Variants in ABRACL observed in about 807,000 individuals in gnomAD.
ABRACL encodes costars family protein ABRACL.
ABRACL carries 4 observed loss-of-function variants against 7.0 expected under a neutral mutation model. The observed-to-expected ratio is 0.57, with a 90% confidence interval of 0.28 to 1.30. The LOEUF is 1.30. Ranked by LOEUF, ABRACL falls within the 50% of genes most tolerant of loss-of-function variation. The pLI, the probability that ABRACL is intolerant of heterozygous loss-of-function variation, is 0.10. For synonymous variants in ABRACL, 30 were observed against 36.0 expected (o/e 0.83, Z 0.60); for missense variants, 104 against 97.3 (o/e 1.07, Z -0.29).
chr6:139,032,053 C>T (rs987252507), intron 1 of ABRACL, among the ~76,000 whole-genome samples: 34 of 151,940 alleles, frequency 2.2e-4, no homozygotes, highest in Admixed American at 4.6e-4. Context: ...CTCCGCCTCC[C>T]GGGTTCACGC....
rs1562221582 is a variant in ABRACL at position 139,042,872 on chromosome 6, A to G, written c.215A>G (p.Asp72Gly). 1 of 1,613,066 alleles carries G rather than the reference A, an allele frequency of 6.2e-7. No individual in the cohort carries two copies. The change falls in exon 3 of 3, where the codon GAT (aspartate) becomes GGT (glycine). Residue 72 changes from aspartate (D) to glycine (G), a missense_variant. Physicochemically the swap from Asp to Gly is moderately conservative, Grantham distance 94. Coordinates refer to ENST00000367660, the MANE Select transcript of ABRACL (RefSeq NM_021243.3). ...GAGCTGCTTCTGCAAGGTGTTCATGATGATGTTGACATTATATTACTGCAA... is the reference window on the plus strand; with the variant it reads ...GAGCTGCTTCTGCAAGGTGTTCATGGTGATGTTGACATTATATTACTGCAA... ...PGELLLQGVH[D>G]DVDIILLQD
chr6:139,040,874 T>G (rs1258098924), intron 2 of ABRACL, among the ~76,000 whole-genome samples: 1 of 152,194 alleles, frequency 6.6e-6, no homozygotes, highest in Non-Finnish European at 1.5e-5. Context: ...TCCCCATTTG[T>G]CTCAGTCACA....
At chr6:139,041,956 G>A (rs1184615021) in intron 2 of ABRACL, among the ~76,000 whole-genome samples, 1 of 152,098 alleles carries the variant, frequency 6.6e-6, no homozygotes, top group African/African-American at 2.4e-5. Context: ...CCCTCACTGT[G>A]ATGGCCATCG....
Position 139,042,865 on chromosome 6 carries a change from G to T in ABRACL, c.208G>T (p.Val70Phe). The T allele has an allele frequency of 6.2e-7, 1 of 1,613,218 alleles. No individual in the cohort carries two copies. Among genetic ancestry groups the T allele is most frequent in the Non-Finnish European group, 8.5e-7 (1 of 1,179,728 alleles). The part of the protein sequence containing the change: ...TYPGELLLQG[V>F]HDDVDIILLQ... ...TCCAGGAGAGCTGCTTCTGCAAGGT[G>T]TTCATGATGATGTTGACATTATATT... The change falls in exon 3 of 3, where the codon GTT becomes TTT. Residue 70 changes from valine (V) to phenylalanine (F), a missense_variant. Val to Phe is a conservative substitution (Grantham distance 50). Transcript: ENST00000367660.
At chr6:139,035,586 G>A (rs1044969215) in intron 2 of ABRACL, among the ~76,000 whole-genome samples, 4 of 151,774 alleles carry the variant, frequency 2.6e-5, no homozygotes, top group Admixed American at 2.0e-4. Flanking sequence ...GGGTTCAAGC[G>A]ATTCTCCTGC....
At position 139,034,240 on chromosome 6, in the gene ABRACL, T is replaced by C. The variant is rs538288655; in HGVS notation, c.61+19T>C. On this transcript the variant is annotated intron_variant, in intron 2 of 2. Coordinates refer to ENST00000367660, the MANE Select transcript of ABRACL (RefSeq NM_021243.3). ...TCAAAAAGTAAGTATCTGACAGAGA[T>C]AGAGTATTTCTCCTGGCTTTACCTT... 5.0e-6 allele frequency: 8 copies of C among 1,614,088 alleles called. No individual in the cohort carries two copies. Among genetic ancestry groups the C allele is most frequent in the Non-Finnish European group, 1.7e-6 (2 of 1,180,058 alleles).
At chr6:139,036,882 G>T (rs796749255) in intron 2 of ABRACL, among the ~76,000 whole-genome samples, 1 of 152,146 alleles carries the variant, frequency 6.6e-6, no homozygotes, top group South Asian at 2.1e-4. Flanking sequence ...TATACTGGAG[G>T]CTGAGGCAGG....
At chr6:139,034,661 A>G (rs1409323574) in intron 2 of ABRACL, 1 of 325,332 alleles carries the variant, frequency 3.1e-6, no homozygotes, top group Non-Finnish European at 5.6e-6. Flanking sequence ...CTAGGGATTT[A>G]CATTGAAATT....
At chr6:139,033,555 C>T (rs6570302) in intron 1 of ABRACL, among the ~76,000 whole-genome samples, 145,256 of 152,312 alleles carry the variant, frequency 0.95, 69,333 homozygotes, top group East Asian at 1. Flanking sequence ...TCAAGTGTGC[C>T]GTGTGTTTTC....
chr6:139,036,678 G>A (rs1334526866), intron 2 of ABRACL, among the ~76,000 whole-genome samples: 1 of 152,068 alleles, frequency 6.6e-6, no homozygotes, highest in Non-Finnish European at 1.5e-5. Flanking sequence ...CTACTTAGTT[G>A]ATGAAAACAG....
chr6:139,040,488 TA>T, intron 2 of ABRACL, among the ~76,000 whole-genome samples: 1 of 152,342 alleles, frequency 6.6e-6, no homozygotes, highest in East Asian at 1.9e-4. Context: ...GGGGACTCTA[TA>T]AGAGGCTTTA....
intron 2 of ABRACL, among the ~76,000 whole-genome samples, chr6:139,041,457 A>C (rs796764332): frequency 0.065 from 8,197 of 125,426 alleles, 336 homozygotes; most frequent in East Asian, 0.2. Flanking sequence ...CTCTCTATAT[A>C]TATATATATA....
chr6:139,037,401 C>G lies in ABRACL; in HGVS notation c.61+3180C>G, dbSNP rs574819946. ...TCAGCCTCCCTGGTAGCTGGTATTA[C>G]AGGTGTCCACGACCACGCCTGGTTA... On this transcript the variant is annotated intron_variant, in intron 2 of 2. Coordinates refer to ENST00000367660, the MANE Select transcript of ABRACL (RefSeq NM_021243.3). Among the ~76,000 whole-genome samples the G allele has an allele frequency of 2.6e-5, 4 of 152,216 alleles. No homozygotes were observed. The East Asian group carries it at 7.7e-4, about 29-fold the overall frequency.
rs1554211161 is a variant in ABRACL, at chr6:139,041,531, A to ATTTTTTTTTT, written c.62-1179_62-1178insTTTTTTTTTT. On this transcript the variant is annotated intron_variant, in intron 2 of 2. Transcript: ENST00000367660. Reference sequence around the variant, plus strand: ...TGTGTGTGTATATATATATATATATATTTTTTTTTAGGAGAGACATGGTCT... The same window carrying ATTTTTTTTTT: ...TGTGTGTGTATATATATATATATATATTTTTTTTTTTTTTTTTTTAGGAGAGACATGGTCT... Among the ~76,000 whole-genome samples the ATTTTTTTTTT allele has an allele frequency of 1.3e-3, 159 of 126,032 alleles. 3 individuals are homozygous for ATTTTTTTTTT. Among genetic ancestry groups the ATTTTTTTTTT allele is most frequent in the African/African-American group, 3.2e-3 (105 of 32,344 alleles). 82.7% of individuals were successfully genotyped at this position (126,032 alleles called of 152,430 possible).
chr6:139,038,402 A>C (rs535402173), intron 2 of ABRACL, among the ~76,000 whole-genome samples: 2 of 152,366 alleles, frequency 1.3e-5, no homozygotes, highest in East Asian at 3.9e-4. Context: ...ATTGAGTTTG[A>C]AAGCATATAT....
At position 139,042,942 on chromosome 6, in the gene ABRACL, T is replaced by G. The variant is rs1395477321; in HGVS notation, c.*39T>G. The G allele has an allele frequency of 6.7e-7, 1 of 1,500,116 alleles. No individual in the cohort carries two copies. Among genetic ancestry groups the G allele is most frequent in the South Asian group, 1.3e-5 (1 of 76,890 alleles). 92.9% of individuals were successfully genotyped at this position (1,500,116 alleles called of 1,614,324 possible). A position where few individuals can be genotyped will look rare whatever the true frequency, so the allele number is the denominator to read the frequency against. On this transcript the variant is annotated 3_prime_UTR_variant, in exon 3 of 3. Transcript: ENST00000367660. The stretch of plus-strand genomic sequence containing the variant: ...TCTTTATGTACTGCCATTTTTTGTT[T>G]CTGGTAAACTGGAATATAAAGTGAA...
chr6:139,041,451 C>CTCTCTCTCTCTCTA lies in ABRACL; in HGVS notation c.62-1267_62-1266insCTCTCTCTCTCTAT, dbSNP rs140091253. 5.5e-5 allele frequency among the ~76,000 whole-genome samples: 6 copies of CTCTCTCTCTCTCTA among 110,038 alleles called. 1 individual carries two copies. The highest frequency in any genetic ancestry group is 8.9e-5 in the Non-Finnish European group (5 of 56,188). 72.2% of individuals were successfully genotyped at this position (110,038 alleles called of 152,430 possible). ...TCTCTCTCTCTCTCTCTCTCTCTCT[C>CTCTCTCTCTCTCTA]TATATATATATATATATATTTCTAT... is the stretch of plus-strand genomic sequence containing the variant. On this transcript the variant is annotated intron_variant, in intron 2 of 2. Transcript: ENST00000367660.
intron 1 of ABRACL, among the ~76,000 whole-genome samples, chr6:139,032,235 A>T (rs1219723986): frequency 6.6e-6 from 1 of 152,112 alleles, no homozygotes; most frequent in East Asian, 1.9e-4. Flanking sequence ...AAGTGCTGGG[A>T]TTACAGGCGC....
chr6:139,032,620 T>C (rs1786099153), intron 1 of ABRACL, among the ~76,000 whole-genome samples: 1 of 152,224 alleles, frequency 6.6e-6, no homozygotes, highest in Non-Finnish European at 1.5e-5. Flanking sequence ...TTTTAACAGC[T>C]AGCAAGAATT....
Sources: allele counts gnomAD v4.1 joint callset (sites outside exome capture counted in the v4.1 genomes callset), GRCh38; gene constraint gnomAD v4.1.1; transcripts MANE v1.5; gene names NCBI Gene and HGNC (gene_info 2026-07-23, HGNC 2026-07-21).